Variants in CLSPN observed in about 807,000 individuals in gnomAD.
CLSPN encodes claspin homolog.
Under a neutral mutation model 156.3 loss-of-function variants are expected in CLSPN, and 85 were observed. The ratio of observed to expected loss-of-function variants is 0.54; its 90% CI spans 0.46 to 0.65. CLSPN has a LOEUF of 0.65. CLSPN is among the 30% of genes least tolerant of loss of function. The pLI, the probability that CLSPN is intolerant of heterozygous loss-of-function variation, is 0.00. For missense variants in CLSPN, 1,407 were observed against 1,554.9 expected (o/e 0.90, Z 1.60); for synonymous variants, 534 against 542.4 (o/e 0.98, Z 0.22).
Position 35,747,951 on chromosome 1 carries a change from G to C in CLSPN, c.2583C>G (p.Phe861Leu). 6.2e-7 allele frequency: 1 copy of C among 1,614,138 alleles called. No homozygotes were observed. Among genetic ancestry groups the C allele is most frequent in the South Asian group, 1.1e-5 (1 of 91,076 alleles). Residue 861 changes from phenylalanine (F) to leucine (L), a missense_variant, in exon 14 of 25, where the codon TTC (phenylalanine) becomes TTG (leucine). By Grantham distance (22) the Phe-to-Leu change is conservative (BLOSUM62 0). Transcript: ENST00000318121. ...TLFLGAGDFQFCLEDDTQSQL... is the reference protein window; with the variant it reads ...TLFLGAGDFQLCLEDDTQSQL... The stretch of plus-strand genomic sequence containing the variant: ...GGCTCTGAGTGTCATCTTCTAAACA[G>C]AACTGGAAGTCTCCTGCTCCTAGGA...
intron 14 of CLSPN, among the ~76,000 whole-genome samples, chr1:35,747,640 C>G (rs2148618303): frequency 6.6e-6 from 1 of 152,298 alleles, no homozygotes; most frequent in African/African-American, 2.4e-5. Context: ...AGGATGGATA[C>G]AGGGAAATTT....
At chr1:35,768,579 ATT>A (rs11461895) in intron 1 of CLSPN, among the ~76,000 whole-genome samples, 1 of 145,038 alleles carries the variant, frequency 6.9e-6, no homozygotes, top group Non-Finnish European at 1.5e-5. Context: ...CGCCCGGCTA[ATT>A]TTTTTTTTTT....
intron 1 of CLSPN, among the ~76,000 whole-genome samples, chr1:35,766,260 G>T: frequency 6.6e-6 from 1 of 151,312 alleles, no homozygotes; most frequent in South Asian, 2.1e-4. Context: ...CTCCCAAAAT[G>T]CTGGGATTAC....
intron 13 of CLSPN, 127 bp downstream of exon 13, chr1:35,748,278 A>AT (rs1557510793): frequency 9.7e-7 from 1 of 1,034,268 alleles, no homozygotes; most frequent in Admixed American, 2.2e-5. Flanking sequence ...AAGGGGGTGG[A>AT]TTTTTTAAAC....
In CLSPN at chr1:35,736,487, T is replaced by C; in HGVS notation, c.*9A>G. On this transcript the variant is annotated 3_prime_UTR_variant, in exon 25 of 25. Coordinates refer to ENST00000318121, the MANE Select transcript of CLSPN (RefSeq NM_022111.4). ...AGTCTCAATGTAGATTTTGGCACCT[T>C]TGATGGTGTTAGCTCTCCAAATATT... is the stretch of plus-strand genomic sequence containing the variant. 1.3e-6 allele frequency: 2 copies of C among 1,579,544 alleles called. No individual in the cohort carries two copies. The highest frequency in any genetic ancestry group is 1.2e-5 in the South Asian group (1 of 83,880).
chr1:35,740,398 C>T (rs1302612678), intron 18 of CLSPN, among the ~76,000 whole-genome samples: 2 of 151,360 alleles, frequency 1.3e-5, no homozygotes, highest in Admixed American at 6.6e-5. Context: ...TGATTTTTAT[C>T]GAAGACCTAT....
chr1:35,743,719 G>A, intron 16 of CLSPN, 189 bp from the exon 17 acceptor site: 2 of 574,058 alleles, frequency 3.5e-6, no homozygotes, highest in South Asian at 4.3e-5. Context: ...CACCTCCAGG[G>A]CTCAAGTGAT....
In CLSPN at chr1:35,749,715, C is replaced by T; in HGVS notation, c.2125G>A (p.Ala709Thr). ...TTGGGAACAGAGAGGAAGCCAACTG[C>T]CTTGCCAATTTCACTACTGCCATCA... ...NNDGSSEIGKAVGFLSVPKSL... is the reference protein window; with the variant it reads ...NNDGSSEIGKTVGFLSVPKSL... The change falls in exon 11 of 25, where the codon GCA becomes ACA. Residue 709 changes from alanine (A) to threonine (T), a missense_variant. By Grantham distance (58) the Ala-to-Thr change is moderately conservative. This residue lies in a region of CLSPN where 1,096 missense variants were observed against 1,193.0 expected (regional missense o/e 0.92). Transcript: ENST00000318121. 8 of 1,614,078 alleles carry T rather than the reference C, an allele frequency of 5.0e-6. No individual in the cohort carries two copies. The highest frequency in any genetic ancestry group is 6.8e-6 in the Non-Finnish European group (8 of 1,179,994).
In CLSPN at chr1:35,762,497, G is replaced by C. The variant is rs760889943; in HGVS notation, c.745-16C>G. ...GTTCTTTTTTCTAAAAGAAATGGCA[G>C]GTTGATTAGGACAAAAACGAAATTC... On this transcript the variant is annotated splice_polypyrimidine_tract_variant and intron_variant, in intron 4 of 24. Transcript: ENST00000318121. 1 of 1,609,602 alleles carries C rather than the reference G, an allele frequency of 6.2e-7. No individual in the cohort carries two copies. Among genetic ancestry groups the C allele is most frequent in the Non-Finnish European group, 8.5e-7 (1 of 1,176,232 alleles).
chr1:35,733,039 A>G lies in CLSPN; in HGVS notation c.*3457T>C. 1 of 761,560 alleles carries G rather than the reference A, an allele frequency of 1.3e-6. No individual in the cohort carries two copies. The highest frequency in any genetic ancestry group is 1.6e-6 in the Non-Finnish European group (1 of 626,422). 47.2% of individuals were successfully genotyped at this position (761,560 alleles called of 1,614,324 possible). On this transcript the variant is annotated 3_prime_UTR_variant, in exon 25 of 25. Coordinates refer to ENST00000318121, the MANE Select transcript of CLSPN (RefSeq NM_022111.4). ...GAGAGCAGTGGCGTGATCTCGGCTC[A>G]CTGCAACCTCTGCCTCCCAGGTTCA...
rs372789882 is a variant in CLSPN at position 35,769,938 on chromosome 1, G to T, written c.-68C>A. 1.8e-5 allele frequency: 28 copies of T among 1,576,596 alleles called. No homozygotes were observed. Among genetic ancestry groups the T allele is most frequent in the Non-Finnish European group, 2.3e-5 (27 of 1,155,438 alleles). The stretch of plus-strand genomic sequence containing the variant: ...CTGATTCCCTCAGCCGGAGAGCAGC[G>T]GCTCCCGCCGTCTCCAGCCCAGCAG... On this transcript the variant is annotated 5_prime_UTR_variant, in exon 1 of 25. Transcript: ENST00000318121.
rs1642009469 is a variant in CLSPN at position 35,749,548 on chromosome 1, T to C, written c.2208-17A>G. Reference sequence around the variant, plus strand: ...GGAAAGTAACTGCAAAATAAGAAAGTAAATTGGTTCAGTATCTGTTCCTAG... The same window carrying C: ...GGAAAGTAACTGCAAAATAAGAAAGCAAATTGGTTCAGTATCTGTTCCTAG... On this transcript the variant is annotated splice_polypyrimidine_tract_variant and intron_variant, in intron 11 of 24. Coordinates refer to ENST00000318121, the MANE Select transcript of CLSPN (RefSeq NM_022111.4). The C allele has an allele frequency of 3.1e-6, 5 of 1,614,094 alleles. No homozygotes were observed. Among genetic ancestry groups the C allele is most frequent in the Non-Finnish European group, 4.2e-6 (5 of 1,179,960 alleles).
intron 24 of CLSPN, among the ~76,000 whole-genome samples, chr1:35,721,203 C>T (rs927112099): frequency 1.3e-5 from 2 of 152,136 alleles, no homozygotes; most frequent in Non-Finnish European, 2.9e-5. Flanking sequence ...TCCATTCACG[C>T]ACCTCTCAAC....
intron 24 of CLSPN, among the ~76,000 whole-genome samples, chr1:35,723,450 C>G (rs1641117551): frequency 6.6e-6 from 1 of 152,184 alleles, no homozygotes; most frequent in Admixed American, 6.5e-5. Context: ...AGAGGAATTT[C>G]TCATCCAGGA....
In CLSPN at chr1:35,735,484, G is replaced by A. The variant is rs1307200335; in HGVS notation, c.*1012C>T. The A allele has an allele frequency of 1.1e-6, 1 of 874,084 alleles. No individual in the cohort carries two copies. Among genetic ancestry groups the A allele is most frequent in the Non-Finnish European group, 1.4e-6 (1 of 728,666 alleles). The allele number at this position is 874,084 out of a possible 1,614,324, so 54.1% of individuals were successfully genotyped here. On this transcript the variant is annotated 3_prime_UTR_variant, in exon 25 of 25. Coordinates refer to ENST00000318121, the MANE Select transcript of CLSPN (RefSeq NM_022111.4). ...GCACTTTGGGAGGCTGAGGCAGCTG[G>A]ATCACTTGAGGTCAGGAGATCGAGA...
rs1348249611 is a variant in CLSPN, at chr1:35,753,886, T to G, written c.1630A>C (p.Lys544Gln). ...TTCACTGTCTGACCAGCCCTGGGTT[T>G]GGCTGCTGGATTAGCATGCTTCCAG... is the stretch of plus-strand genomic sequence containing the variant. ...RFWKHANPAA[K>Q]PRAGQTVNVN... The change falls in exon 9 of 25, where the codon AAA becomes CAA. Residue 544 changes from lysine to glutamine, a missense_variant. By Grantham distance (53) the Lys-to-Gln change is moderately conservative. This residue lies in a region of CLSPN where 1,096 missense variants were observed against 1,193.0 expected (regional missense o/e 0.92). Transcript: ENST00000318121. The G allele has an allele frequency of 1.2e-6, 2 of 1,614,106 alleles. No homozygotes were observed. Among genetic ancestry groups the G allele is most frequent in the Non-Finnish European group, 1.7e-6 (2 of 1,180,040 alleles).
At chr1:35,731,776 G>A (rs1240723810), downstream of CLSPN, among the ~76,000 whole-genome samples, 5 of 152,166 alleles carry the variant, frequency 3.3e-5, no homozygotes, top group Non-Finnish European at 7.4e-5. Context: ...TCCAGTCTGA[G>A]TGACTGGATA....
chr1:35,753,475 TAGA>T (rs1168068445), intron 9 of CLSPN, among the ~76,000 whole-genome samples: 1 of 152,134 alleles, frequency 6.6e-6, no homozygotes, highest in East Asian at 1.9e-4. Flanking sequence ...CTGTCTCTGA[TAGA>T]AGATTAAGTT....
intron 8 of CLSPN, 67 bp downstream of exon 8, chr1:35,760,275 G>A (rs1642427617): frequency 7.9e-7 from 1 of 1,259,740 alleles, no homozygotes; most frequent in Non-Finnish European, 1.1e-6. Context: ...GTCCTCGACA[G>A]TAGTCAATAA....
Sources: allele counts gnomAD v4.1 joint callset (sites outside exome capture counted in the v4.1 genomes callset), GRCh38; gene constraint gnomAD v4.1.1; regional missense constraint gnomAD v4.1.1; transcripts MANE v1.5; gene names NCBI Gene and HGNC (gene_info 2026-07-23, HGNC 2026-07-21).